The following LYST variants were observed in gnomAD, a reference collection of about 807,000 sequenced individuals.
LYST encodes the protein lysosomal-trafficking regulator.
Under a neutral mutation model 413.6 loss-of-function variants are expected in LYST, and 192 were observed. The ratio of observed to expected loss-of-function variants is 0.46; its 90% confidence interval spans 0.41 to 0.52. LYST has a LOEUF of 0.52. Among genes scored for constraint, LYST ranks in the 20% least tolerant of loss-of-function variants. LYST has a pLI of 0.00. For missense variants in LYST, 3,815 were observed against 4,499.9 expected (o/e 0.85, Z 4.35); for synonymous variants, 1,525 against 1,567.3 (o/e 0.97, Z 0.64).
chr1:235,834,501 GTAC>G (rs1676335207), intron 1 of LYST, among the ~76,000 whole-genome samples: 1 of 152,132 alleles, frequency 6.6e-6, no homozygotes, highest in Non-Finnish European at 1.5e-5. Context: ...GCCTCCCAAA[GTAC>G]TGGGATTACA....
At position 235,661,541 on chromosome 1, in the gene LYST, C is replaced by T. The variant is rs1313498023; in HGVS notation, c.*1399G>A. ...GTATGCAGTTTAAGGTTAAAGCATA[C>T]ATGGCCACGTGCTTTCTCTCGAATC... On this transcript the variant is annotated 3_prime_UTR_variant, in exon 53 of 53. Transcript: ENST00000389793. 6.6e-6 allele frequency: 1 copy of T among 152,368 alleles called. No individual in the cohort carries two copies. 9.4% of individuals were successfully genotyped at this position (152,368 alleles called of 1,614,324 possible).
Position 235,705,448 on chromosome 1 carries a change from C to T in LYST, c.10144-2471G>A, listed in dbSNP as rs180740501. ...TCAACCAGGCTGGAATGCAGTGGCA[C>T]GATCATGGCTCACTGCAGACTTGAA... is the stretch of plus-strand genomic sequence containing the variant. On this transcript the variant is annotated intron_variant, in intron 44 of 52. Transcript: ENST00000389793. Among the ~76,000 whole-genome samples, 9 of 151,106 alleles carry T rather than the reference C, an allele frequency of 6.0e-5. No homozygotes were observed. The East Asian group carries it at 1.6e-3, about 27-fold the overall frequency.
chr1:235,706,085 G>A (rs1281142562), intron 44 of LYST, among the ~76,000 whole-genome samples: 1 of 152,184 alleles, frequency 6.6e-6, no homozygotes, highest in Non-Finnish European at 1.5e-5. Context: ...GAGCCACCAT[G>A]CCTGGCCTCC....
chr1:235,751,180 T>C, intron 28 of LYST, 30 bp downstream of exon 28: 2 of 1,602,100 alleles, frequency 1.2e-6, no homozygotes, highest in Non-Finnish European at 1.7e-6. Context: ...CCTCAATTTA[T>C]GGTTATTAAA....
chr1:235,682,869 T>C (rs963261553), intron 48 of LYST, among the ~76,000 whole-genome samples: 1 of 152,206 alleles, frequency 6.6e-6, no homozygotes, highest in African/African-American at 2.4e-5. Context: ...ATTCACTGAG[T>C]ACAGATTAGT....
rs111768118 is a variant in LYST at position 235,723,745 on chromosome 1, G to A, written c.9315+283C>T. ...CCATAAAGGAGAGCAGAGAAATGGTGGCCGAAGGGATTAGAGGTCAAGAGA... is the reference window on the plus strand; with the variant it reads ...CCATAAAGGAGAGCAGAGAAATGGTAGCCGAAGGGATTAGAGGTCAAGAGA... On this transcript the variant is annotated intron_variant, in intron 39 of 52. Transcript: ENST00000389793. 1.9e-3 allele frequency among the ~76,000 whole-genome samples: 282 copies of A among 152,252 alleles called. 3 individuals are homozygous for A. Among genetic ancestry groups the A allele is most frequent in the African/African-American group, 6.6e-3 (276 of 41,550 alleles).
chr1:235,828,992 G>C (rs144862823), intron 3 of LYST: 217 of 191,438 alleles, frequency 1.1e-3, no homozygotes, highest in African/African-American at 5.0e-3. Context: ...ACTGCTTGAG[G>C]TCAGGAGTTT....
chr1:235,735,968 G>A (rs1664782524), intron 31 of LYST: 1 of 152,070 alleles, frequency 6.6e-6, no homozygotes, highest in Non-Finnish European at 1.5e-5. Flanking sequence ...TGTCTTAAAG[G>A]TAATGATCTT....
intron 36 of LYST, among the ~76,000 whole-genome samples, chr1:235,730,640 C>T (rs1365489732): frequency 1.3e-5 from 2 of 149,214 alleles, no homozygotes; most frequent in African/African-American, 4.9e-5. Context: ...AGGGCCAGAA[C>T]ATGATGACTG....
chr1:235,723,882 A>G (rs1181657357), intron 39 of LYST, 146 bp downstream of exon 39: 7 of 695,376 alleles, frequency 1.0e-5, no homozygotes, highest in African/African-American at 1.8e-5. Context: ...CAATCCTCAT[A>G]TAACAAAGGC....
intron 42 of LYST, 24 bp downstream of exon 42, chr1:235,715,177 T>C: frequency 2.5e-6 from 4 of 1,606,312 alleles, no homozygotes; most frequent in Non-Finnish European, 3.4e-6. Flanking sequence ...AACATGACTT[T>C]TTAGGCAGTT....
chr1:235,731,791 C>T (rs1367257551), intron 34 of LYST, among the ~76,000 whole-genome samples: 2 of 152,166 alleles, frequency 1.3e-5, no homozygotes, highest in Non-Finnish European at 2.9e-5. Context: ...CTCCTAGCCT[C>T]AAGTGATCCA....
chr1:235,718,877 G>T (rs1349858580), intron 40 of LYST, among the ~76,000 whole-genome samples: 1 of 151,996 alleles, frequency 6.6e-6, no homozygotes, highest in African/African-American at 2.4e-5. Flanking sequence ...GTGTTTCCTT[G>T]GCCTTTTAAA....
rs1051162872 is a variant in LYST, at chr1:235,677,016, C to T, written c.11038+75G>A. On this transcript the variant is annotated intron_variant, in intron 50 of 52. Coordinates refer to ENST00000389793, the MANE Select transcript of LYST (RefSeq NM_000081.4). ...GCAGGGACCTGAGAGAATGGCTCGA[C>T]CTAGGAGTAACCACTGGCCGAATGC... The T allele has an allele frequency of 2.9e-6, 3 of 1,021,528 alleles. No homozygotes were observed. The Admixed American group carries it at 5.1e-5, about 17-fold the overall frequency. 63.3% of individuals were successfully genotyped at this position (1,021,528 alleles called of 1,614,324 possible). A position where few individuals can be genotyped will look rare whatever the true frequency, so the allele number is the denominator to read the frequency against.
rs560779661 is a variant in LYST, at chr1:235,758,888, A to T, written c.6881+84T>A. On this transcript the variant is annotated intron_variant, in intron 23 of 52. Transcript: ENST00000389793. ...CTGTTTGTTGTATTATAAGTGGCAT[A>T]ATGAAGACGTTTCCAGAGGGGTAGA... The T allele has an allele frequency of 2.5e-5, 30 of 1,215,544 alleles. No individual in the cohort carries two copies. In the East Asian group the frequency reaches 6.5e-4, roughly 26 times the overall value. The allele number at this position is 1,215,544 out of a possible 1,614,324, so 75.3% of individuals were successfully genotyped here.
chr1:235,802,318 C>T (rs143260619), intron 8 of LYST, among the ~76,000 whole-genome samples: 24 of 151,400 alleles, frequency 1.6e-4, no homozygotes, highest in African/African-American at 5.8e-4. Context: ...CCATTCTACT[C>T]ATTTTAAGTC....
At chr1:235,696,454 A>G (rs938542647) in intron 46 of LYST, among the ~76,000 whole-genome samples, 3 of 152,242 alleles carry the variant, frequency 2.0e-5, no homozygotes, top group Non-Finnish European at 4.4e-5. Flanking sequence ...TTGGTGCCCC[A>G]TGTCCACAGT....
In LYST at chr1:235,741,469, G is replaced by A. The variant is rs1030857469; in HGVS notation, c.8311C>T (p.Pro2771Ser). ...TCTCGTAGTATTTCCTGATGATTTG[G>A]TTCATGAACTATTTCAAAAATTTGC... ...RKQIFEIVHE[P>S]NHQEILRDCL... The change falls in exon 31 of 53, where the codon CCA becomes TCA. Residue 2771 changes from proline (P) to serine (S), a missense_variant. By Grantham distance (74) the Pro-to-Ser change is moderately conservative. Coordinates refer to ENST00000389793, the MANE Select transcript of LYST (RefSeq NM_000081.4). 1.9e-6 allele frequency: 3 copies of A among 1,613,954 alleles called. No individual in the cohort carries two copies. The highest frequency in any genetic ancestry group is 1.7e-6 in the Non-Finnish European group (2 of 1,180,006).
intron 39 of LYST, 53 bp from the exon 40 acceptor site, chr1:235,720,958 C>A: frequency 6.4e-7 from 1 of 1,561,888 alleles, no homozygotes; most frequent in South Asian, 1.1e-5. Context: ...GTCTTATTGG[C>A]ACTTTTCTCC....
Sources: gnomAD v4.1 joint callset for allele counts (sites outside exome capture counted in the v4.1 genomes callset) on GRCh38, gnomAD v4.1.1 for gene constraint, MANE v1.5 for transcripts, NCBI Gene and HGNC (gene_info 2026-07-23, HGNC 2026-07-21) for gene names.